Variants in CCDC102B observed in about 807,000 individuals in gnomAD.
CCDC102B encodes the protein coiled-coil domain-containing protein 102B.
Under a neutral mutation model 57.4 loss-of-function variants are expected in CCDC102B, and 75 were observed. The observed-to-expected ratio is 1.31, with a 90% confidence interval of 1.08 to 1.58. The LOEUF is 1.58. CCDC102B is among the 40% of genes most tolerant of loss of function. The pLI is 0.00. For synonymous variants in CCDC102B, 206 were observed against 201.9 expected, an observed-to-expected ratio of 1.02 and a Z score of -0.17; for missense variants, 636 against 582.6, an observed-to-expected ratio of 1.09 and a Z score of -0.94.
intron 2 of CCDC102B, among the ~76,000 whole-genome samples, chr18:68,771,335 C>T (rs1283966904): frequency 4.6e-5 from 7 of 152,074 alleles, no homozygotes; most frequent in African/African-American, 1.5e-4. Context: ...TGTGACTAGT[C>T]AAGATAAGAA....
rs2035296531 is a variant in CCDC102B, at chr18:68,788,440, C to T, written c.-66-34926C>T. On this transcript the variant is annotated intron_variant, in intron 2 of 3. Transcript: ENST00000578970. ...TGTTGACAGTGGGGTGTTAAAGTCTCCCATTATTAATGTGTGGGAGTCTAA... is the reference window on the plus strand; with the variant it reads ...TGTTGACAGTGGGGTGTTAAAGTCTTCCATTATTAATGTGTGGGAGTCTAA... Among the ~76,000 whole-genome samples, 4 of 150,234 alleles carry T rather than the reference C, an allele frequency of 2.7e-5. No individual in the cohort carries two copies. The South Asian group carries it at 8.5e-4, about 32-fold the overall frequency.
chr18:68,723,473 C>G (rs149455854), intron 2 of CCDC102B, among the ~76,000 whole-genome samples: 63 of 152,296 alleles, frequency 4.1e-4, no homozygotes, highest in South Asian at 2.3e-3. Context: ...CCTGCAAAAT[C>G]AAAAGCAAGG....
At chr18:68,809,663 G>A (rs377762356) in intron 1 of CCDC102B, among the ~76,000 whole-genome samples, 45 of 152,214 alleles carry the variant, frequency 3.0e-4, no homozygotes, top group African/African-American at 1.1e-3. Flanking sequence ...AGCTCCATGA[G>A]AGTGGACATT....
intron 5 of CCDC102B, among the ~76,000 whole-genome samples, chr18:68,883,244 T>A (rs1217817706): frequency 6.6e-6 from 1 of 151,122 alleles, no homozygotes; most frequent in East Asian, 1.9e-4. Flanking sequence ...CAGTGTCTAC[T>A]AAAAAAAATA....
chr18:68,903,856 T>A (rs2145044043), intron 6 of CCDC102B, among the ~76,000 whole-genome samples: 1 of 152,314 alleles, frequency 6.6e-6, no homozygotes, highest in African/African-American at 2.4e-5. Flanking sequence ...AACTGATGAA[T>A]TCATCTAAAA....
chr18:68,821,680 T>C (rs1381734491), intron 1 of CCDC102B, among the ~76,000 whole-genome samples: 1 of 151,816 alleles, frequency 6.6e-6, no homozygotes, highest in Non-Finnish European at 1.5e-5. Context: ...AATTGAAATA[T>C]ATAAATATAT....
chr18:68,836,931 T>C lies in CCDC102B; in HGVS notation c.168T>C (p.Asn56=), dbSNP rs765455756. The C allele has an allele frequency of 1.2e-6, 2 of 1,614,154 alleles. No individual in the cohort carries two copies. Among genetic ancestry groups the C allele is most frequent in the Non-Finnish European group, 1.7e-6 (2 of 1,180,036 alleles). Residue 56 remains asparagine, a synonymous_variant, in exon 2 of 8, where the codon AAT becomes AAC. Transcript: ENST00000360242. ...LHGLQSHAAH[N]FCAHSYNTNK... is the part of the protein sequence containing the mutation. ...GGCTACAATCTCATGCTGCTCACAA[T>C]TTCTGTGCTCACTCATATAACACCA...
rs78624277 is a variant in CCDC102B at position 68,764,099 on chromosome 18, G to A, written c.-67+47505G>A. Among the ~76,000 whole-genome samples the A allele has an allele frequency of 9.6e-3, 1,463 of 152,120 alleles. 28 individuals are homozygous for A. Among genetic ancestry groups the A allele is most frequent in the African/African-American group, 0.033 (1,378 of 41,502 alleles). ...AGATTCAAAATCTTAACATTCAAAA[G>A]CCAAGGATCTTAAGTACTCTTTGTT... On this transcript the variant is annotated intron_variant, in intron 2 of 3. Coordinates refer to the CCDC102B transcript ENST00000578970.
chr18:69,020,353 A>G (rs1052499958), intron 7 of CCDC102B, among the ~76,000 whole-genome samples: 1 of 152,144 alleles, frequency 6.6e-6, no homozygotes, highest in Non-Finnish European at 1.5e-5. Flanking sequence ...TCATTGAACT[A>G]AGATTTATTG....
At chr18:68,733,478 T>TTATATATACATATATATATA in intron 2 of CCDC102B, among the ~76,000 whole-genome samples, 1 of 25,142 alleles carries the variant, frequency 4.0e-5, no homozygotes, top group African/African-American at 1.6e-4. Flanking sequence ...TTAGACAACT[T>TTATATATACATATATATATA]TATATATATA....
At chr18:68,776,231 T>C (rs1389547485) in intron 2 of CCDC102B, among the ~76,000 whole-genome samples, 1 of 152,228 alleles carries the variant, frequency 6.6e-6, no homozygotes, top group Admixed American at 6.5e-5. Flanking sequence ...TTATTAACCA[T>C]TTCCAATTAA....
chr18:68,814,854 G>A (rs2036413965), intron 1 of CCDC102B, among the ~76,000 whole-genome samples: 1 of 151,850 alleles, frequency 6.6e-6, no homozygotes, highest in South Asian at 2.1e-4. Context: ...TATATTTAAA[G>A]GCCAAACACA....
At chr18:68,732,089 A>C (rs2032896558) in intron 2 of CCDC102B, among the ~76,000 whole-genome samples, 1 of 150,098 alleles carries the variant, frequency 6.7e-6, no homozygotes, top group Non-Finnish European at 1.5e-5. Context: ...ATTTTGAGTT[A>C]CTCAAACATT....
chr18:68,961,321 A>C (rs966063522), intron 6 of CCDC102B, among the ~76,000 whole-genome samples: 1 of 151,978 alleles, frequency 6.6e-6, no homozygotes. Context: ...TGTTTTATTT[A>C]TGTACAAAAT....
At chr18:68,803,448 C>A (rs2035924566) in intron 1 of CCDC102B, among the ~76,000 whole-genome samples, 1 of 152,174 alleles carries the variant, frequency 6.6e-6, no homozygotes, top group Admixed American at 6.5e-5. Context: ...TTTACACACT[C>A]TTGAAATAAC....
Position 68,789,649 on chromosome 18 carries a change from C to T in CCDC102B, c.-66-33717C>T, listed in dbSNP as rs1357852515. 6.1e-5 allele frequency among the ~76,000 whole-genome samples: 9 copies of T among 148,060 alleles called. No homozygotes were observed. The South Asian group carries it at 8.8e-4, about 14-fold the overall frequency. On this transcript the variant is annotated intron_variant, in intron 2 of 3. Transcript: ENST00000578970. ...GCTCCTGAGGCTTCTGCATTCTTCACGTAGTTCTCGAGCCTTGGTTTTCAG... is the reference window on the plus strand; with the variant it reads ...GCTCCTGAGGCTTCTGCATTCTTCATGTAGTTCTCGAGCCTTGGTTTTCAG...
chr18:68,906,090 G>A (rs1411504889), intron 6 of CCDC102B, among the ~76,000 whole-genome samples: 3 of 152,048 alleles, frequency 2.0e-5, no homozygotes. Flanking sequence ...ACCACGCCCG[G>A]CCTACGTCTG....
intron 2 of CCDC102B, among the ~76,000 whole-genome samples, chr18:68,736,660 G>A (rs1316620470): frequency 6.6e-6 from 1 of 152,024 alleles, no homozygotes; most frequent in Non-Finnish European, 1.5e-5. Flanking sequence ...TTACATGGAG[G>A]CAGCAAGAGG....
At chr18:68,773,249 A>C (rs2034700436) in intron 2 of CCDC102B, among the ~76,000 whole-genome samples, 1 of 152,026 alleles carries the variant, frequency 6.6e-6, no homozygotes. Context: ...AATAATTTGC[A>C]CTCCAAAAGT....
Sources: allele counts gnomAD v4.1 joint callset (sites outside exome capture counted in the v4.1 genomes callset), GRCh38; gene constraint gnomAD v4.1.1; transcripts MANE v1.5; gene names NCBI Gene and HGNC (gene_info 2026-07-23, HGNC 2026-07-21).